Variants in ARFGAP1 observed in about 807,000 individuals in gnomAD.
The protein encoded by ARFGAP1 is ARF GTPase activating protein 1.
In ARFGAP1, 26 loss-of-function variants were observed where a neutral mutation model predicts 54.0. That is an observed-to-expected ratio of 0.48 (90% confidence interval 0.35 to 0.67). ARFGAP1 has a LOEUF of 0.67. Among genes scored for constraint, ARFGAP1 ranks in the 30% least tolerant of loss-of-function variants. ARFGAP1 has a pLI of 0.00. For missense variants in ARFGAP1, 525 were observed against 535.8 expected, an observed-to-expected ratio of 0.98 and a Z score of 0.20; for synonymous variants, 248 against 211.9, an observed-to-expected ratio of 1.17 and a Z score of -1.48.
At position 63,277,243 on chromosome 20, in the gene ARFGAP1, G is replaced by A. The variant is rs566515471; in HGVS notation, c.381G>A (p.Glu127=). 6.2e-7 allele frequency: 1 copy of A among 1,613,130 alleles called. No individual in the cohort carries two copies. Among genetic ancestry groups the A allele is most frequent in the African/African-American group, 1.3e-5 (1 of 75,036 alleles). ...CCGAAGGCAGAGAGTGGTCTCTGGA[G>A]TCATCACCTGCCCAGAACTGGACCC... ...ALAEGREWSL[E]SSPAQNWTPP... The change falls in exon 5 of 13, where the codon GAG becomes GAA. Residue 127 remains glutamate (E), a synonymous_variant. Transcript: ENST00000370283.
Position 63,289,486 on chromosome 20 carries a change from A to G in ARFGAP1, c.*1613A>G, listed in dbSNP as rs970545257. 6.6e-6 allele frequency: 1 copy of G among 152,348 alleles called. No homozygotes were observed. The highest frequency in any genetic ancestry group is 2.4e-5 in the African/African-American group (1 of 41,460). 9.4% of individuals were successfully genotyped at this position (152,348 alleles called of 1,614,324 possible). A position where few individuals can be genotyped will look rare whatever the true frequency, so the allele number is the denominator to read the frequency against. ...CACGCCAGCACCTTGACTTGGCAGC[A>G]TGGAGCCAAGGTCTGTCCCCGCCCA... On this transcript the variant is annotated 3_prime_UTR_variant, in exon 13 of 13. Coordinates refer to ENST00000370283, the MANE Select transcript of ARFGAP1 (RefSeq NM_018209.4).
At chr20:63,285,804 C>A in intron 11 of ARFGAP1, 91 bp downstream of exon 11, 1 of 1,543,018 alleles carries the variant, frequency 6.5e-7, no homozygotes, top group Non-Finnish European at 8.9e-7. Context: ...CCCCGTGCAG[C>A]CCTCAGCCCA....
chr20:63,287,756 C>G lies in ARFGAP1; in HGVS notation c.1104C>G (p.Gly368=). 6.2e-7 allele frequency: 1 copy of G among 1,609,896 alleles called. No individual in the cohort carries two copies. The highest frequency in any genetic ancestry group is 1.1e-5 in the South Asian group (1 of 90,506). ...GCTCGGACAGCTGGGAGGTGTGGGG[C>G]TCGGCCTCCACCAACAGGAACAGCA... is the stretch of plus-strand genomic sequence containing the variant. ...RRSSDSWEVW[G]SASTNRNSNS... is the part of the protein sequence containing the mutation. Residue 368 remains glycine (G), a synonymous_variant, in exon 13 of 13, where the codon GGC becomes GGG. Transcript: ENST00000370283.
chr20:63,283,535 C>T (rs993041836), intron 9 of ARFGAP1: 20 of 398,490 alleles, frequency 5.0e-5, no homozygotes, highest in Non-Finnish European at 9.0e-5. Flanking sequence ...GGTGCCCATC[C>T]GTCACCCCCG....
At chr20:63,286,295 G>C (rs929513294) in intron 11 of ARFGAP1, 71 bp from the exon 12 acceptor site, 10 of 1,600,650 alleles carry the variant, frequency 6.2e-6, no homozygotes, top group Non-Finnish European at 7.7e-6. Flanking sequence ...GCCGGCTTGC[G>C]TGTGGGGGCC....
At chr20:63,285,970 G>T (rs1392543323) in intron 11 of ARFGAP1, 10 of 1,510,962 alleles carry the variant, frequency 6.6e-6, no homozygotes, top group African/African-American at 1.4e-5. Context: ...CCTTTTCCTC[G>T]GTAAGTAAGT....
intron 7 of ARFGAP1, 41 bp from the exon 8 acceptor site, chr20:63,281,250 G>T (rs1297075916): frequency 6.4e-7 from 1 of 1,570,380 alleles, no homozygotes; most frequent in Non-Finnish European, 8.6e-7. Context: ...GGGTTCCTGG[G>T]TCCCAGTCCT....
rs1258193625 is a variant in ARFGAP1 at position 63,288,108 on chromosome 20, TC to T, written c.*239del. 1.7e-6 allele frequency: 1 copy of T among 605,242 alleles called. No individual in the cohort carries two copies. Among genetic ancestry groups the T allele is most frequent in the Non-Finnish European group, 2.9e-6 (1 of 340,250 alleles). 37.5% of individuals were successfully genotyped at this position (605,242 alleles called of 1,614,324 possible). A position where few individuals can be genotyped will look rare whatever the true frequency, so the allele number is the denominator to read the frequency against. On this transcript the variant is annotated 3_prime_UTR_variant, in exon 13 of 13. Transcript: ENST00000370283. Reference sequence around the variant, plus strand: ...GTGTGGGGGCCGTCCCGTCCCACACTCCCCTGGGCATTCTTGGACTCAAGGC... The same window carrying T: ...GTGTGGGGGCCGTCCCGTCCCACACTCCCTGGGCATTCTTGGACTCAAGGC...
At chr20:63,278,850 A>G (rs777591439) in intron 6 of ARFGAP1, 49 bp from the exon 7 acceptor site, 1 of 1,593,742 alleles carries the variant, frequency 6.3e-7, no homozygotes, top group Admixed American at 1.7e-5. Flanking sequence ...CCTCGGGAGG[A>G]GCAGGGTTCA....
Position 63,282,801 on chromosome 20 carries a change from CTTTG to C in ARFGAP1, c.685-14_685-11del, listed in dbSNP as rs767911179. 9 of 1,614,026 alleles carry C rather than the reference CTTTG, an allele frequency of 5.6e-6. No homozygotes were observed. In the South Asian group the frequency reaches 9.9e-5, roughly 18 times the overall value. ...CCATGTTAAGTCTGTCAAGCCTTGTCTTTGTTTTTCATTTTAGGCTACAAAGTTT... is the reference window on the plus strand; with the variant it reads ...CCATGTTAAGTCTGTCAAGCCTTGTCTTTTTCATTTTAGGCTACAAAGTTT... On this transcript the variant is annotated splice_polypyrimidine_tract_variant and intron_variant, in intron 8 of 12. Transcript: ENST00000370283.
At position 63,283,807 on chromosome 20, in the gene ARFGAP1, T is replaced by G. The variant is rs554202153; in HGVS notation, c.717+956T>G. The G allele has an allele frequency of 6.2e-6, 10 of 1,610,802 alleles. No homozygotes were observed. The African/African-American group carries it at 1.3e-4, about 22-fold the overall frequency. On this transcript the variant is annotated intron_variant, in intron 9 of 12. Transcript: ENST00000370283. Reference sequence around the variant, plus strand: ...CGCTGCTGGTTACTAATGCCGCCCCTCACCTTGCTCTCTCCTCACCTGTCT... The same window carrying G: ...CGCTGCTGGTTACTAATGCCGCCCCGCACCTTGCTCTCTCCTCACCTGTCT...
chr20:63,286,571 G>A, intron 12 of ARFGAP1, 129 bp downstream of exon 12: 3 of 911,352 alleles, frequency 3.3e-6, no homozygotes, highest in Non-Finnish European at 5.0e-6. Context: ...CTCTCCGGGA[G>A]GTGGCTGGCA....
chr20:63,284,652 T>C, intron 9 of ARFGAP1: 1 of 1,398,742 alleles, frequency 7.1e-7, no homozygotes, highest in Non-Finnish European at 9.3e-7. Flanking sequence ...CAAGAATTGG[T>C]GGGGGCCGCG....
In ARFGAP1 at chr20:63,278,180, T is replaced by C. The variant is rs762709819; in HGVS notation, c.507T>C (p.Asn169=). Residue 169 remains asparagine (N), a synonymous_variant, in exon 6 of 13, where the codon AAT becomes AAC. Coordinates refer to ENST00000370283, the MANE Select transcript of ARFGAP1 (RefSeq NM_018209.4). Reference sequence around the variant, plus strand: ...ACAAGGCTTTTGAAGACTGGCTGAATGATGACCTCGGCTCCTATCAAGGGT... The same window carrying C: ...ACAAGGCTTTTGAAGACTGGCTGAACGATGACCTCGGCTCCTATCAAGGGT... The part of the protein sequence containing the change: ...SSDKAFEDWL[N]DDLGSYQGAQ... The C allele has an allele frequency of 1.2e-6, 2 of 1,613,624 alleles. No homozygotes were observed. Among genetic ancestry groups the C allele is most frequent in the East Asian group, 2.2e-5 (1 of 44,880 alleles).
At chr20:63,287,527 A>G (rs200174032) in intron 12 of ARFGAP1, 37 bp from the exon 13 acceptor site, 2 of 1,528,254 alleles carry the variant, frequency 1.3e-6, no homozygotes, top group Non-Finnish European at 8.8e-7. Flanking sequence ...GGACTGAGTA[A>G]CAGTCATTTA....
chr20:63,286,124 G>A (rs776849295), intron 11 of ARFGAP1: 3 of 1,550,252 alleles, frequency 1.9e-6, no homozygotes, highest in Admixed American at 2.0e-5. Flanking sequence ...CAAGCATGTG[G>A]TGGGAGCTCT....
At chr20:63,283,778 A>T (rs1406710543) in intron 9 of ARFGAP1, 1 of 1,576,732 alleles carries the variant, frequency 6.3e-7, no homozygotes, top group Non-Finnish European at 8.7e-7. Flanking sequence ...GGTGGGTTCG[A>T]AGGCGCTGCT....
intron 7 of ARFGAP1, among the ~76,000 whole-genome samples, 196 bp from the exon 8 acceptor site, chr20:63,281,095 A>G (rs1178030687): frequency 6.6e-6 from 1 of 152,060 alleles, no homozygotes; most frequent in Non-Finnish European, 1.5e-5. Flanking sequence ...GTGGGGGTAG[A>G]GGGTGCGTTT....
Position 63,288,833 on chromosome 20 carries a change from C to G in ARFGAP1, c.*960C>G, listed in dbSNP as rs2067637470. On this transcript the variant is annotated 3_prime_UTR_variant, in exon 13 of 13. Coordinates refer to ENST00000370283, the MANE Select transcript of ARFGAP1 (RefSeq NM_018209.4). ...GCCACGTGTGACTCGTCTCCCTTGT[C>G]TGCCCTGTGTGACCCTCAGTCTTGG... 3.1e-6 allele frequency: 1 copy of G among 320,100 alleles called. No individual in the cohort carries two copies. The highest frequency in any genetic ancestry group is 2.2e-5 in the African/African-American group (1 of 46,410). 19.8% of individuals were successfully genotyped at this position (320,100 alleles called of 1,614,324 possible).
Sources: gnomAD v4.1 joint callset for allele counts (sites outside exome capture counted in the v4.1 genomes callset) on GRCh38, gnomAD v4.1.1 for gene constraint, MANE v1.5 for transcripts, NCBI Gene and HGNC (gene_info 2026-07-23, HGNC 2026-07-21) for gene names.